The following NEK9 variants were observed in gnomAD, a reference collection of about 807,000 sequenced individuals.
NEK9 encodes the protein serine/threonine-protein kinase Nek9.
Under a neutral mutation model 123.4 loss-of-function variants are expected in NEK9, and 75 were observed. That is an observed-to-expected ratio of 0.61 (90% confidence interval 0.50 to 0.74). The LOEUF is 0.74. Ranked by LOEUF, NEK9 falls within the 30% of genes least tolerant of loss-of-function variation. NEK9 has a pLI of 0.00. For missense variants in NEK9, 952 were observed against 1,214.4 expected (o/e 0.78, Z 3.21); for synonymous variants, 438 against 458.7 (o/e 0.95, Z 0.58).
chr14:75,102,387 G>A (rs175472), intron 14 of NEK9, among the ~76,000 whole-genome samples: 75,758 of 151,632 alleles, frequency 0.5, 19,444 homozygotes, highest in Middle Eastern at 0.56. Flanking sequence ...TTGCTTTGTC[G>A]CCCAGGCTGG....
At chr14:75,085,457 C>G (rs935597320) in intron 21 of NEK9, among the ~76,000 whole-genome samples, 1 of 152,238 alleles carries the variant, frequency 6.6e-6, no homozygotes, top group African/African-American at 2.4e-5. Flanking sequence ...GGGCCTAACC[C>G]TATTTCTCTG....
In NEK9 at chr14:75,082,264, G is replaced by C. The variant is rs9672; in HGVS notation, c.*2300C>G. The C allele has an allele frequency of 1.3e-5, 2 of 152,134 alleles. No individual in the cohort carries two copies. Among genetic ancestry groups the C allele is most frequent in the East Asian group, 3.8e-4 (2 of 5,202 alleles). 9.4% of individuals were successfully genotyped at this position (152,134 alleles called of 1,614,324 possible). A position where few individuals can be genotyped will look rare whatever the true frequency, so the allele number is the denominator to read the frequency against. On this transcript the variant is annotated 3_prime_UTR_variant, in exon 22 of 22. Transcript: ENST00000238616. ...ACTCAGGTTATACTGTAACTCAAAA[G>C]CAATACTACTAGAAAACTTAAAACA... is the stretch of plus-strand genomic sequence containing the variant.
At chr14:75,098,675 T>A (rs1894466933) in intron 16 of NEK9, among the ~76,000 whole-genome samples, 1 of 152,180 alleles carries the variant, frequency 6.6e-6, no homozygotes, top group South Asian at 2.1e-4. Context: ...TGAGACTCAT[T>A]TCTATATTCC....
Position 75,084,600 on chromosome 14 carries a change from G to T in NEK9, c.2904C>A (p.Cys968Ter). 1 of 1,614,114 alleles carries T rather than the reference G, an allele frequency of 6.2e-7. No homozygotes were observed. Among genetic ancestry groups the T allele is most frequent in the Non-Finnish European group, 8.5e-7 (1 of 1,179,992 alleles). The change falls in exon 22 of 22, where the codon TGC becomes TGA. Residue 968 changes from cysteine (C) to a stop codon, truncating the protein, a stop_gained. Transcript: ENST00000238616. LOFTEE classifies it high-confidence loss of function. ...PKPDLDSDSW[C>*]LLGTDSCRPS... is the part of the protein sequence containing the mutation. ...GTCTACAGGAGTCTGTTCCCAGGAG[G>T]CACCAGGAATCTGAATCTAAGTCAG...
At position 75,121,189 on chromosome 14, in the gene NEK9, G is replaced by T; in HGVS notation, c.398-15C>A. On this transcript the variant is annotated splice_polypyrimidine_tract_variant and intron_variant, in intron 2 of 21. Transcript: ENST00000238616. ...CAGGTTCCCTCCTGCAATTAAACAAGACACAGATTTGAATTGCTTAATACA... is the reference window on the plus strand; with the variant it reads ...CAGGTTCCCTCCTGCAATTAAACAATACACAGATTTGAATTGCTTAATACA... 6.2e-7 allele frequency: 1 copy of T among 1,609,840 alleles called. No individual in the cohort carries two copies.
chr14:75,097,617 TGGAACTGACATTCTAGTAGG>T (rs1289704176), intron 16 of NEK9, among the ~76,000 whole-genome samples: 1 of 152,232 alleles, frequency 6.6e-6, no homozygotes, highest in African/African-American at 2.4e-5. Flanking sequence ...CCTTGCCCTG[TGGAACTGACATTCTAGTAGG>T]GGAGACTGAT....
At chr14:75,089,048 TA>T (rs1291529784) in intron 19 of NEK9, among the ~76,000 whole-genome samples, 2 of 152,162 alleles carry the variant, frequency 1.3e-5, no homozygotes, top group African/African-American at 4.8e-5. Context: ...TTAGTCTTAT[TA>T]GACAGGGAGC....
intron 19 of NEK9, 40 bp downstream of exon 19, chr14:75,091,230 C>A: frequency 1.3e-6 from 2 of 1,544,106 alleles, no homozygotes. Flanking sequence ...CTGCAAAGGG[C>A]CACATATTTT....
intron 13 of NEK9, among the ~76,000 whole-genome samples, chr14:75,105,144 G>C (rs1894727019): frequency 6.6e-6 from 1 of 152,270 alleles, no homozygotes; most frequent in Admixed American, 6.5e-5. Flanking sequence ...GGGTCACAAT[G>C]GATGTGTGTA....
chr14:75,107,296 TA>T (rs1363624565), intron 11 of NEK9, 46 bp downstream of exon 11: 2 of 1,589,668 alleles, frequency 1.3e-6, no homozygotes, highest in Non-Finnish European at 1.7e-6. Context: ...TTAAGCAAAA[TA>T]CCCCCACATT....
intron 13 of NEK9, 24 bp from the exon 14 acceptor site, chr14:75,104,021 G>T (rs1894680996): frequency 6.3e-7 from 1 of 1,597,616 alleles, no homozygotes; most frequent in Non-Finnish European, 8.5e-7. Flanking sequence ...ATCAGAAAAA[G>T]AAATCCCAAA....
rs1199577517 is a variant in NEK9, at chr14:75,083,258, C to A, written c.*1306G>T. 5.3e-5 allele frequency: 21 copies of A among 396,902 alleles called. No homozygotes were observed. Among genetic ancestry groups the A allele is most frequent in the Non-Finnish European group, 8.9e-6 (2 of 225,600 alleles). The allele number at this position is 396,902 out of a possible 1,614,324, so 24.6% of individuals were successfully genotyped here. A position where few individuals can be genotyped will look rare whatever the true frequency, so the allele number is the denominator to read the frequency against. On this transcript the variant is annotated 3_prime_UTR_variant, in exon 22 of 22. Transcript: ENST00000238616. The stretch of plus-strand genomic sequence containing the variant: ...CATTTTACAAGGCTAGGTGGAAATA[C>A]AAAGCTCACATCCTTAAGGAAACCA...
chr14:75,121,482 T>C (rs2139807311), intron 2 of NEK9, among the ~76,000 whole-genome samples: 1 of 152,348 alleles, frequency 6.6e-6, no homozygotes, highest in East Asian at 1.9e-4. Flanking sequence ...CAAAATCAGA[T>C]TTCTTTTCTA....
At position 75,095,154 on chromosome 14, in the gene NEK9, C is replaced by T. The variant is rs45599237; in HGVS notation, c.2233+218G>A. Among the ~76,000 whole-genome samples, 1,098 of 152,282 alleles carry T rather than the reference C, an allele frequency of 7.2e-3. 7 individuals carry two copies. The highest frequency in any genetic ancestry group is 0.013 in the Non-Finnish European group (857 of 68,022). ...CAAGCTACTTAATTACTTGCATATGCGTTGGAGGCAAAGATGATGTAGTGT... is the reference window on the plus strand; with the variant it reads ...CAAGCTACTTAATTACTTGCATATGTGTTGGAGGCAAAGATGATGTAGTGT... On this transcript the variant is annotated intron_variant, in intron 18 of 21. Coordinates refer to ENST00000238616, the MANE Select transcript of NEK9 (RefSeq NM_033116.6).
chr14:75,085,050 C>A, intron 21 of NEK9: 1 of 222,758 alleles, frequency 4.5e-6, no homozygotes, highest in Non-Finnish European at 9.3e-6. Flanking sequence ...CTGTTGCTTA[C>A]GCCGAAGTGC....
Position 75,106,709 on chromosome 14 carries a change from A to G in NEK9, c.1328-7T>C. 3 of 1,603,936 alleles carry G rather than the reference A, an allele frequency of 1.9e-6. No homozygotes were observed. The highest frequency in any genetic ancestry group is 2.6e-6 in the Non-Finnish European group (3 of 1,173,782). ...GCATAGAGCTGACCCTCATCTGCAA[A>G]AGAAAGGAAAACAGAATCCATCAAA... On this transcript the variant is annotated splice_polypyrimidine_tract_variant and splice_region_variant and intron_variant, in intron 11 of 21. Transcript: ENST00000238616.
In NEK9 at chr14:75,097,126, C is replaced by T. The variant is rs181033814; in HGVS notation, c.2147G>A (p.Arg716His). The change falls in exon 17 of 22, where the codon CGT (arginine) becomes CAT (histidine). Residue 716 changes from arginine (R) to histidine (H), a missense_variant. Arg to His is a conservative substitution (Grantham distance 29, BLOSUM62 0). Around this residue, in one of 4 missense-constraint regions of NEK9, gnomAD observed 698 missense variants for 875.6 expected, o/e 0.80. Coordinates refer to ENST00000238616, the MANE Select transcript of NEK9 (RefSeq NM_033116.6). Reference sequence around the variant, plus strand: ...AACGATGAGAATGGTATGCCATCCACGGCAAGACAGGTCCGGGACATGATG... The same window carrying T: ...AACGATGAGAATGGTATGCCATCCATGGCAAGACAGGTCCGGGACATGATG... ...SLHHVPDLSC[R>H]GWHTILIVEK... The T allele has an allele frequency of 1.2e-5, 20 of 1,611,014 alleles. No homozygotes were observed. In the East Asian group the frequency reaches 1.6e-4, roughly 13 times the overall value.
At chr14:75,101,876 T>C (rs1353342013) in intron 14 of NEK9, 111 bp from the exon 15 acceptor site, 7 of 698,428 alleles carry the variant, frequency 1.0e-5, no homozygotes, top group African/African-American at 1.8e-5. Context: ...AAGTAAGTTA[T>C]ATTACTAAGA....
chr14:75,126,954 C>T lies in NEK9; in HGVS notation c.-33G>A. On this transcript the variant is annotated 5_prime_UTR_variant, in exon 1 of 22. Transcript: ENST00000238616. ...GCCGCGGGCCTTGGGGACCAGCCTG[C>T]GTATGCCCGGAGGCCCTGGCCGCGC... 2.1e-6 allele frequency: 3 copies of T among 1,415,892 alleles called. No individual in the cohort carries two copies. Among genetic ancestry groups the T allele is most frequent in the South Asian group, 1.5e-5 (1 of 68,776 alleles). 87.7% of individuals were successfully genotyped at this position (1,415,892 alleles called of 1,614,324 possible).
Sources: allele counts gnomAD v4.1 joint callset (sites outside exome capture counted in the v4.1 genomes callset), GRCh38; gene constraint gnomAD v4.1.1; regional missense constraint gnomAD v4.1.1; transcripts MANE v1.5; gene names NCBI Gene and HGNC (gene_info 2026-07-23, HGNC 2026-07-21).